ALPK1: variants seen among roughly 807,000 people sequenced by gnomAD.
ALPK1 encodes alpha kinase 1.
Under a neutral mutation model 120.6 loss-of-function variants are expected in ALPK1, and 110 were observed. That is an observed-to-expected ratio of 0.91 (90% confidence interval 0.78 to 1.07). ALPK1 has a LOEUF of 1.07. ALPK1 is among the 50% of genes least tolerant of loss of function. The probability of loss-of-function intolerance (pLI) is 0.00; values close to 1 mark genes in which losing one functional copy is unlikely to be tolerated. For synonymous variants in ALPK1, 582 were observed against 560.3 expected (o/e 1.04, Z -0.55); for missense variants, 1,498 against 1,483.9 (o/e 1.01, Z -0.16).
At chr4:112,323,247 TC>T (rs1728940116) in intron 2 of ALPK1, among the ~76,000 whole-genome samples, 1 of 152,172 alleles carries the variant, frequency 6.6e-6, no homozygotes, top group African/African-American at 2.4e-5. Context: ...AAACCTCCTT[TC>T]CCTGTATAAA....
intron 12 of ALPK1, among the ~76,000 whole-genome samples, chr4:112,436,490 T>A (rs1734794546): frequency 1.3e-5 from 2 of 152,168 alleles, no homozygotes; most frequent in South Asian, 4.1e-4. Context: ...ATGTAATTGG[T>A]GAAGTTAAGA....
At chr4:112,324,375 G>C (rs1373546107) in intron 2 of ALPK1, among the ~76,000 whole-genome samples, 1 of 151,622 alleles carries the variant, frequency 6.6e-6, no homozygotes, top group African/African-American at 2.4e-5. Context: ...CCCAGTGAGA[G>C]ACATGACCTC....
chr4:112,351,517 A>G (rs1309138073), intron 2 of ALPK1, among the ~76,000 whole-genome samples: 1 of 151,182 alleles, frequency 6.6e-6, no homozygotes, highest in African/African-American at 2.4e-5. Flanking sequence ...TCTGTCACCC[A>G]GGCTGGAGTG....
chr4:112,379,589 C>T (rs1281397801), intron 3 of ALPK1, among the ~76,000 whole-genome samples: 1 of 152,214 alleles, frequency 6.6e-6, no homozygotes, highest in Admixed American at 6.5e-5. Context: ...GCAGGCGGGT[C>T]GTGCCGCCAC....
At chr4:112,410,176 T>A (rs1209117431) in intron 4 of ALPK1, among the ~76,000 whole-genome samples, 1 of 152,174 alleles carries the variant, frequency 6.6e-6, no homozygotes, top group Non-Finnish European at 1.5e-5. Flanking sequence ...TCTCTTCTTC[T>A]GGTACTCTGC....
At chr4:112,349,499 T>C (rs899545427) in intron 2 of ALPK1, among the ~76,000 whole-genome samples, 5 of 151,996 alleles carry the variant, frequency 3.3e-5, no homozygotes, top group African/African-American at 9.7e-5. Flanking sequence ...GTTAATTCAG[T>C]TGATGCTTAT....
chr4:112,399,030 C>T (rs1732790947), intron 4 of ALPK1, among the ~76,000 whole-genome samples: 1 of 152,150 alleles, frequency 6.6e-6, no homozygotes, highest in Non-Finnish European at 1.5e-5. Context: ...AGTTTGAGAT[C>T]CTGACATCCA....
chr4:112,338,810 A>G (rs563990358), intron 2 of ALPK1, among the ~76,000 whole-genome samples: 7 of 152,338 alleles, frequency 4.6e-5, no homozygotes, highest in African/African-American at 1.4e-4. Flanking sequence ...CAAAGTTTTC[A>G]TTTAATTTCT....
At chr4:112,358,821 T>A (rs1009228392) in intron 2 of ALPK1, 11 of 815,360 alleles carry the variant, frequency 1.3e-5, no homozygotes, top group South Asian at 1.2e-4. Context: ...CCAAGCCAAC[T>A]TTGCCACCTT....
chr4:112,306,112 G>T (rs1728040342), intron 1 of ALPK1, among the ~76,000 whole-genome samples: 1 of 152,048 alleles, frequency 6.6e-6, no homozygotes. Context: ...CTTGATCATG[G>T]TGGATAAGCT....
intron 4 of ALPK1, among the ~76,000 whole-genome samples, chr4:112,410,150 A>ACC (rs1306616514): frequency 1.3e-5 from 2 of 152,156 alleles, no homozygotes; most frequent in Non-Finnish European, 2.9e-5. Flanking sequence ...AGATCTCTGA[A>ACC]CTTGCTTTGT....
At chr4:112,408,626 A>T (rs1733307023) in intron 4 of ALPK1, among the ~76,000 whole-genome samples, 1 of 152,078 alleles carries the variant, frequency 6.6e-6, no homozygotes, top group South Asian at 2.1e-4. Context: ...GGCATTTGCT[A>T]CCATGCCTGG....
At chr4:112,420,377 T>A (rs1316285241) in intron 5 of ALPK1, among the ~76,000 whole-genome samples, 1 of 152,156 alleles carries the variant, frequency 6.6e-6, no homozygotes, top group Non-Finnish European at 1.5e-5. Flanking sequence ...ACAATACACA[T>A]CCCTCTCATG....
rs1182963832 is a variant in ALPK1, at chr4:112,356,600, C to T, written c.-100-21078C>T. 3.9e-6 allele frequency: 3 copies of T among 777,458 alleles called. No individual in the cohort carries two copies. In the East Asian group the frequency reaches 8.9e-5, roughly 23 times the overall value. 48.2% of individuals were successfully genotyped at this position (777,458 alleles called of 1,614,324 possible). A position where few individuals can be genotyped will look rare whatever the true frequency, so the allele number is the denominator to read the frequency against. On this transcript the variant is annotated intron_variant, in intron 2 of 15. Transcript: ENST00000650871. ...AGGTGAAGAAGCAGGAGAGTAACCA[C>T]ATGAAGATCCACTTGTGCCGCAAGA...
intron 4 of ALPK1, among the ~76,000 whole-genome samples, chr4:112,401,479 G>C (rs187024362): frequency 6.6e-6 from 1 of 152,310 alleles, no homozygotes; most frequent in African/African-American, 2.4e-5. Flanking sequence ...TCTAAGTTAT[G>C]ACCAACCATG....
chr4:112,357,637 G>C, intron 2 of ALPK1: 4 of 1,608,246 alleles, frequency 2.5e-6, no homozygotes, highest in Middle Eastern at 1.7e-4. Flanking sequence ...ACACATCATC[G>C]ACAAGCACCA....
rs767657997 is a variant in ALPK1, at chr4:112,431,395, G to A, written c.1848G>A (p.Leu616=). 1 of 1,614,190 alleles carries A rather than the reference G, an allele frequency of 6.2e-7. No homozygotes were observed. The highest frequency in any genetic ancestry group is 8.5e-7 in the Non-Finnish European group (1 of 1,180,036). ...SARKEPGKEH[L]VDTQCSTALS... ...GAAAAGAGCCTGGCAAAGAACATCT[G>A]GTGGACACTCAGTGTTCCACTGCCT... is the stretch of plus-strand genomic sequence containing the variant. Residue 616 remains leucine, a synonymous_variant, in exon 11 of 16, where the codon CTG becomes CTA. Transcript: ENST00000650871.
At position 112,442,329 on chromosome 4, in the gene ALPK1, G is replaced by C. The variant is rs977750446; in HGVS notation, c.*1119G>C. 1 of 152,162 alleles carries C rather than the reference G, an allele frequency of 6.6e-6. No homozygotes were observed. Among genetic ancestry groups the C allele is most frequent in the African/African-American group, 2.4e-5 (1 of 41,442 alleles). 9.4% of individuals were successfully genotyped at this position (152,162 alleles called of 1,614,324 possible). A position where few individuals can be genotyped will look rare whatever the true frequency, so the allele number is the denominator to read the frequency against. ...TGTCCTTTGCAGGGACATGGATAGA[G>C]CTGGAGGCCATTATTTTTAGCAAAC... On this transcript the variant is annotated 3_prime_UTR_variant, in exon 16 of 16. Coordinates refer to ENST00000650871, the MANE Select transcript of ALPK1 (RefSeq NM_025144.4).
Position 112,423,886 on chromosome 4 carries a change from G to A in ALPK1, c.476-58G>A, listed in dbSNP as rs556622026. The A allele has an allele frequency of 1.7e-5, 27 of 1,545,288 alleles. No individual in the cohort carries two copies. In the South Asian group the frequency reaches 2.9e-4, roughly 17 times the overall value. ...ATCAGTCTTAGAACATGAACAACTT[G>A]TAATTGTTAAGTGCATGTTCAAAGC... On this transcript the variant is annotated intron_variant, in intron 5 of 15. Coordinates refer to ENST00000650871, the MANE Select transcript of ALPK1 (RefSeq NM_025144.4).
Sources: allele counts gnomAD v4.1 joint callset (sites outside exome capture counted in the v4.1 genomes callset), GRCh38; gene constraint gnomAD v4.1.1; transcripts MANE v1.5; gene names NCBI Gene and HGNC (gene_info 2026-07-23, HGNC 2026-07-21).